MSH3: variants seen among roughly 807,000 people sequenced by gnomAD.
MSH3 encodes DNA mismatch repair protein Msh3.
A neutral mutation model predicts 123.3 loss-of-function variants in MSH3; 106 were observed. The ratio of observed to expected loss-of-function variants is 0.86; its 90% CI spans 0.73 to 1.01. The LOEUF (loss-of-function observed/expected upper bound fraction) is 1.01. MSH3 is among the 50% of genes least tolerant of loss of function. MSH3 has a pLI of 0.00. For synonymous variants in MSH3, 515 were observed against 481.4 expected, an observed-to-expected ratio of 1.07 and a Z score of -0.91; for missense variants, 1,459 against 1,347.6, an observed-to-expected ratio of 1.08 and a Z score of -1.29.
chr5:80,683,273 GT>G (rs997284159), intron 8 of MSH3, among the ~76,000 whole-genome samples: 2 of 151,622 alleles, frequency 1.3e-5, no homozygotes, highest in African/African-American at 2.4e-5. Flanking sequence ...TTTTTTGGTA[GT>G]TTTTTTTCAA....
intron 11 of MSH3, among the ~76,000 whole-genome samples, chr5:80,742,534 T>TA (rs2112867562): frequency 1.3e-5 from 2 of 152,336 alleles, no homozygotes; most frequent in East Asian, 3.9e-4. Context: ...TCAAAGGAGT[T>TA]AAAACTCTTC....
intron 12 of MSH3, among the ~76,000 whole-genome samples, chr5:80,758,146 A>C (rs575322880): frequency 1.3e-5 from 2 of 152,338 alleles, no homozygotes; most frequent in East Asian, 3.9e-4. Context: ...TCAAGATCCC[A>C]GGACTAGCTT....
rs571252794 is a variant in MSH3 at position 80,720,417 on chromosome 5, A to C, written c.1341-5036A>C. Among the ~76,000 whole-genome samples, 10 of 152,008 alleles carry C rather than the reference A, an allele frequency of 6.6e-5. No homozygotes were observed. The East Asian group carries it at 1.9e-3, about 29-fold the overall frequency. On this transcript the variant is annotated intron_variant, in intron 8 of 23. Transcript: ENST00000265081. ...CCTTTTGTATTTGTTACTTTCTTTC[A>C]ATCTTTCAAATCTCCTCTTTCATTT...
At position 80,675,068 on chromosome 5, in the gene MSH3, C is replaced by A; in HGVS notation, c.1113C>A (p.Ile371=). 1 of 1,613,530 alleles carries A rather than the reference C, an allele frequency of 6.2e-7. No individual in the cohort carries two copies. The highest frequency in any genetic ancestry group is 8.5e-7 in the Non-Finnish European group (1 of 1,179,784). ...TDTSTSYLLC[I]SENKENVRDK... Reference sequence around the variant, plus strand: ...CTTCTACCAGCTATCTTCTGTGCATCTCTGAAAATAAGGAAAATGTTAGGG... The same window carrying A: ...CTTCTACCAGCTATCTTCTGTGCATATCTGAAAATAAGGAAAATGTTAGGG... The change falls in exon 7 of 24, where the codon ATC becomes ATA. Residue 371 remains isoleucine (I), a synonymous_variant. Coordinates refer to ENST00000265081, the MANE Select transcript of MSH3 (RefSeq NM_002439.5).
chr5:80,763,587 A>C lies in MSH3; in HGVS notation c.1896+1909A>C, dbSNP rs1580029741. 3.3e-5 allele frequency among the ~76,000 whole-genome samples: 5 copies of C among 152,344 alleles called. 1 individual carries two copies. The highest frequency in any genetic ancestry group is 3.3e-4 in the Admixed American group (5 of 15,296). ...TTCTTTAAACAACAGATCTCCAGGC[A>C]CCTTGCCTTAACTACTTCAAAGGAT... On this transcript the variant is annotated intron_variant, in intron 13 of 23. Transcript: ENST00000265081.
intron 3 of MSH3, among the ~76,000 whole-genome samples, chr5:80,667,706 A>T (rs1388593606): frequency 6.6e-6 from 1 of 152,166 alleles, no homozygotes; most frequent in Non-Finnish European, 1.5e-5. Context: ...GCGTACCACA[A>T]ACAGCTTCCA....
intron 8 of MSH3, among the ~76,000 whole-genome samples, chr5:80,719,933 G>A (rs149465983): frequency 1.3e-5 from 2 of 152,290 alleles, no homozygotes; most frequent in Non-Finnish European, 2.9e-5. Context: ...TCACTGGCAG[G>A]TTCTCTGGCT....
chr5:80,755,145 C>T (rs553041675), intron 12 of MSH3, among the ~76,000 whole-genome samples: 1 of 152,236 alleles, frequency 6.6e-6, no homozygotes, highest in Middle Eastern at 3.4e-3. Flanking sequence ...TGACCTGGTG[C>T]CCCTTTCCTC....
At position 80,741,534 on chromosome 5, in the gene MSH3, A is replaced by G. The variant is rs1743614449; in HGVS notation, c.1639A>G (p.Ile547Val). ...INGTTLRNLE[I>V]LQNQTDMKTK... ...TGGAACAACATTAAGGAATCTGGAAATCCTACAGAATCAGGTCAGGCAAAT... is the reference window on the plus strand; with the variant it reads ...TGGAACAACATTAAGGAATCTGGAAGTCCTACAGAATCAGGTCAGGCAAAT... Residue 547 changes from isoleucine (I) to valine (V), a missense_variant, in exon 11 of 24, where the codon ATC (isoleucine) becomes GTC (valine). Transcript: ENST00000265081. 2 of 1,609,452 alleles carry G rather than the reference A, an allele frequency of 1.2e-6. No individual in the cohort carries two copies. Among genetic ancestry groups the G allele is most frequent in the East Asian group, 4.5e-5 (2 of 44,808 alleles).
intron 22 of MSH3, among the ~76,000 whole-genome samples, chr5:80,870,110 GT>G (rs1746186320): frequency 6.8e-6 from 1 of 147,480 alleles, no homozygotes. Context: ...GGAGGTGGAG[GT>G]TGTGGTAAGT....
intron 18 of MSH3, among the ~76,000 whole-genome samples, chr5:80,790,463 T>C (rs534000469): frequency 3.3e-5 from 5 of 152,342 alleles, no homozygotes; most frequent in African/African-American, 1.2e-4. Flanking sequence ...TTGGGATCTT[T>C]AGTGATCTTA....
chr5:80,836,942 C>A (rs1205683023), intron 20 of MSH3, among the ~76,000 whole-genome samples: 1 of 151,876 alleles, frequency 6.6e-6, no homozygotes, highest in African/African-American at 2.4e-5. Context: ...TATTATTTTT[C>A]AAAAGTACAT....
chr5:80,827,562 AC>A (rs3839311), intron 20 of MSH3, among the ~76,000 whole-genome samples: 24,000 of 152,210 alleles, frequency 0.16, 1,985 homozygotes, highest in East Asian at 0.24. Context: ...AGTTGTAAAT[AC>A]CAGTACTAAA....
chr5:80,660,868 G>A (rs557310818), intron 2 of MSH3, among the ~76,000 whole-genome samples: 5 of 152,144 alleles, frequency 3.3e-5, no homozygotes, highest in Non-Finnish European at 7.4e-5. Context: ...CACAATCTCA[G>A]CTGACTGCAA....
chr5:80,781,550 C>A (rs1744409826), intron 17 of MSH3, among the ~76,000 whole-genome samples: 1 of 151,064 alleles, frequency 6.6e-6, no homozygotes, highest in African/African-American at 2.4e-5. Context: ...TCATTGCAAT[C>A]TCTACCTCCC....
intron 17 of MSH3, among the ~76,000 whole-genome samples, chr5:80,780,455 G>A (rs1279034730): frequency 1.3e-5 from 2 of 152,218 alleles, no homozygotes; most frequent in Non-Finnish European, 2.9e-5. Flanking sequence ...CCAAGGGTAA[G>A]GGTTGGAGCC....
At chr5:80,660,146 C>G (rs1749398404) in intron 2 of MSH3, among the ~76,000 whole-genome samples, 2 of 151,338 alleles carry the variant, frequency 1.3e-5, no homozygotes, top group African/African-American at 4.9e-5. Flanking sequence ...TACAGTTCCA[C>G]ATGGCTGGGG....
rs1434630708 is a variant in MSH3 at position 80,862,967 on chromosome 5, A to C, written c.3001-1846A>C. Among the ~76,000 whole-genome samples, 3 of 152,340 alleles carry C rather than the reference A, an allele frequency of 2.0e-5. No individual in the cohort carries two copies. In the East Asian group the frequency reaches 5.8e-4, roughly 29 times the overall value. On this transcript the variant is annotated intron_variant, in intron 21 of 23. Transcript: ENST00000265081. Reference sequence around the variant, plus strand: ...AATAGATTATAAAACCTTTGGATGAAAGATTGTTGGAGAAAAGGATATTCA... The same window carrying C: ...AATAGATTATAAAACCTTTGGATGACAGATTGTTGGAGAAAAGGATATTCA...
intron 7 of MSH3, among the ~76,000 whole-genome samples, chr5:80,675,763 T>A (rs770992688): frequency 6.6e-6 from 1 of 152,160 alleles, no homozygotes. Context: ...AGGTTGAAGA[T>A]AGACACAATG....
Sources: gnomAD v4.1 joint callset for allele counts (sites outside exome capture counted in the v4.1 genomes callset) on GRCh38, gnomAD v4.1.1 for gene constraint, MANE v1.5 for transcripts, NCBI Gene and HGNC (gene_info 2026-07-23, HGNC 2026-07-21) for gene names.